Variants in MTA3 observed in about 807,000 individuals in gnomAD.
The protein encoded by MTA3 is metastasis associated 1 family member 3, also known as metastasis-associated protein MTA3.
MTA3 carries 34 observed loss-of-function variants against 83.5 expected under a neutral mutation model. The ratio of observed to expected loss-of-function variants is 0.41; its 90% CI spans 0.31 to 0.54. The LOEUF is 0.54. Among genes scored for constraint, MTA3 ranks in the 20% least tolerant of loss-of-function variants. The pLI is 0.33. For missense variants in MTA3, 761 were observed against 726.4 expected (o/e 1.05, Z -0.55); for synonymous variants, 303 against 252.7 (o/e 1.20, Z -1.89).
intron 3 of MTA3, among the ~76,000 whole-genome samples, chr2:42,582,578 A>G (rs896885091): frequency 1.3e-5 from 2 of 152,138 alleles, no homozygotes; most frequent in African/African-American, 4.8e-5. Context: ...GCTTGAGGGT[A>G]GGAGTTCGAG....
intron 13 of MTA3, 99 bp downstream of exon 13, chr2:42,708,153 G>C: frequency 8.1e-7 from 1 of 1,234,900 alleles, no homozygotes; most frequent in Non-Finnish European, 1.1e-6. Context: ...AAAAAATGAA[G>C]AAAGCTACCT....
At chr2:42,613,565 T>C (rs1361557139) in intron 4 of MTA3, 1 of 152,224 alleles carries the variant, frequency 6.6e-6, no homozygotes, top group Non-Finnish European at 1.5e-5. Flanking sequence ...GAGAAAATTA[T>C]CAAAGCCCCA....
At chr2:42,523,258 C>T (rs1338317955) in intron 2 of MTA3, among the ~76,000 whole-genome samples, 1 of 152,160 alleles carries the variant, frequency 6.6e-6, no homozygotes, top group Non-Finnish European at 1.5e-5. Flanking sequence ...TCCACTCTCC[C>T]TTTCTTCCTG....
At chr2:42,716,374 T>TA (rs1347018233) in intron 14 of MTA3, among the ~76,000 whole-genome samples, 1 of 152,184 alleles carries the variant, frequency 6.6e-6, no homozygotes, top group East Asian at 1.9e-4. Context: ...GCAGGTTTGT[T>TA]ATATAGGTAA....
intron 5 of MTA3, among the ~76,000 whole-genome samples, chr2:42,641,487 A>G (rs1004380713): frequency 2.6e-5 from 4 of 152,132 alleles, no homozygotes; most frequent in African/African-American, 7.2e-5. Flanking sequence ...AATGCCCAGA[A>G]ATTAGCATTA....
intron 8 of MTA3, among the ~76,000 whole-genome samples, chr2:42,668,662 C>T (rs1690513474): frequency 6.6e-6 from 1 of 152,100 alleles, no homozygotes. Context: ...TATTGATTGT[C>T]TGATAGGTAT....
At chr2:42,663,594 C>G (rs1421777799) in intron 8 of MTA3, among the ~76,000 whole-genome samples, 1 of 152,074 alleles carries the variant, frequency 6.6e-6, no homozygotes. Context: ...GACTCTGTCT[C>G]TACAAAACAA....
chr2:42,707,827 A>C lies in MTA3; in HGVS notation c.1151-76A>C, dbSNP rs1286155745. On this transcript the variant is annotated intron_variant, in intron 12 of 16. Transcript: ENST00000405094. The stretch of plus-strand genomic sequence containing the variant: ...AACTAAGCATGACAAGTATTTTTAA[A>C]ATGTTTGATTATTTTGTGTTGATGT... The C allele has an allele frequency of 5.1e-6, 7 of 1,369,298 alleles. No homozygotes were observed. The African/African-American group carries it at 1.0e-4, about 20-fold the overall frequency. 84.8% of individuals were successfully genotyped at this position (1,369,298 alleles called of 1,614,324 possible). A position where few individuals can be genotyped will look rare whatever the true frequency, so the allele number is the denominator to read the frequency against.
At chr2:42,521,771 T>TTTC (rs1675439969) in intron 2 of MTA3, among the ~76,000 whole-genome samples, 1 of 149,936 alleles carries the variant, frequency 6.7e-6, no homozygotes, top group Non-Finnish European at 1.5e-5. Flanking sequence ...TTTTTTTTTT[T>TTTC]TGAGACAGAG....
At chr2:42,683,135 T>C (rs998314215) in intron 9 of MTA3, among the ~76,000 whole-genome samples, 2 of 152,222 alleles carry the variant, frequency 1.3e-5, no homozygotes, top group African/African-American at 4.8e-5. Context: ...GGTGTAAACC[T>C]TGGCAATATT....
chr2:42,684,692 T>C (rs1397702758), intron 9 of MTA3, among the ~76,000 whole-genome samples: 4 of 152,122 alleles, frequency 2.6e-5, no homozygotes, highest in Non-Finnish European at 5.9e-5. Context: ...GCAGATCTGA[T>C]AAAGGAGTAG....
intron 2 of MTA3, among the ~76,000 whole-genome samples, chr2:42,525,579 CCCTTCCTTCCTTT>C (rs1469263011): frequency 4.0e-5 from 5 of 125,750 alleles, no homozygotes; most frequent in East Asian, 4.6e-4. Context: ...TCCTTCCTTC[CCCTTCCTTCCTTT>C]CCTTCCTTCC....
At chr2:42,726,503 C>A (rs1238896110) in intron 16 of MTA3, among the ~76,000 whole-genome samples, 2 of 152,100 alleles carry the variant, frequency 1.3e-5, no homozygotes, top group Non-Finnish European at 2.9e-5. Context: ...TATCCCTCCC[C>A]ACTCCCCCCA....
chr2:42,753,642 G>A lies in MTA3; in HGVS notation c.*243G>A. On this transcript the variant is annotated 3_prime_UTR_variant, in exon 17 of 17. Transcript: ENST00000405094. ...GTCAGAGACCTCGCTGTTACGGAGCGAGACCTGCTGAGAATTGAGGGGCTG... is the reference window on the plus strand; with the variant it reads ...GTCAGAGACCTCGCTGTTACGGAGCAAGACCTGCTGAGAATTGAGGGGCTG... 2 of 1,322,368 alleles carry A rather than the reference G, an allele frequency of 1.5e-6. No homozygotes were observed. The highest frequency in any genetic ancestry group is 9.7e-7 in the Non-Finnish European group (1 of 1,031,452). 81.9% of individuals were successfully genotyped at this position (1,322,368 alleles called of 1,614,324 possible). A position where few individuals can be genotyped will look rare whatever the true frequency, so the allele number is the denominator to read the frequency against.
In MTA3 at chr2:42,753,683, C is replaced by A. The variant is rs1341305226; in HGVS notation, c.*284C>A. On this transcript the variant is annotated 3_prime_UTR_variant, in exon 17 of 17. Transcript: ENST00000405094. ...TGAGGGGCTGAGGGAACCCCTCCAC[C>A]TCCTCCCTTCTGCAGCGCCCTGCGC... is the stretch of plus-strand genomic sequence containing the variant. The A allele has an allele frequency of 3.1e-6, 4 of 1,276,802 alleles. No individual in the cohort carries two copies. Among genetic ancestry groups the A allele is most frequent in the South Asian group, 1.7e-5 (1 of 59,194 alleles). The allele number at this position is 1,276,802 out of a possible 1,614,324, so 79.1% of individuals were successfully genotyped here. A position where few individuals can be genotyped will look rare whatever the true frequency, so the allele number is the denominator to read the frequency against.
intron 2 of MTA3, among the ~76,000 whole-genome samples, chr2:42,501,102 G>A (rs529191799): frequency 2.6e-5 from 4 of 152,170 alleles, no homozygotes; most frequent in East Asian, 3.9e-4. Flanking sequence ...GAGCCACCGC[G>A]CGTGACCTGT....
intron 2 of MTA3, among the ~76,000 whole-genome samples, chr2:42,524,516 G>C (rs1675591085): frequency 7.1e-6 from 1 of 141,542 alleles, no homozygotes; most frequent in African/African-American, 2.6e-5. Flanking sequence ...AGTAGAGATG[G>C]GGTTTCACCA....
At chr2:42,648,499 T>G (rs1462071084) in intron 6 of MTA3, among the ~76,000 whole-genome samples, 2 of 152,232 alleles carry the variant, frequency 1.3e-5, no homozygotes, top group Admixed American at 1.3e-4. Context: ...TTGCTTTCTT[T>G]GTGAACATGT....
chr2:42,531,365 A>G (rs924239285), intron 2 of MTA3, among the ~76,000 whole-genome samples: 1 of 151,802 alleles, frequency 6.6e-6, no homozygotes, highest in Admixed American at 6.6e-5. Context: ...AGCAATTCCA[A>G]ACTAGTATGT....
Sources: allele counts gnomAD v4.1 joint callset (sites outside exome capture counted in the v4.1 genomes callset), GRCh38; gene constraint gnomAD v4.1.1; transcripts MANE v1.5; gene names NCBI Gene and HGNC (gene_info 2026-07-23, HGNC 2026-07-21).